Variants in NPTN observed in about 807,000 individuals in gnomAD.
NPTN encodes SDR-1.
In NPTN, 5 loss-of-function variants were observed where a neutral mutation model predicts 42.7. The ratio of observed to expected loss-of-function variants is 0.12; its 90% CI spans 0.06 to 0.25. The LOEUF (loss-of-function observed/expected upper bound fraction) is 0.25, where lower values mean the gene tolerates loss of function less well. Ranked by LOEUF, NPTN falls within the 10% of genes least tolerant of loss-of-function variation. NPTN has a pLI of 1.00. For missense variants in NPTN, 307 were observed against 525.4 expected (o/e 0.58, Z 4.06); for synonymous variants, 180 against 201.9 (o/e 0.89, Z 0.92).
chr15:73,578,350 C>T (rs1895804996), intron 4 of NPTN, among the ~76,000 whole-genome samples: 3 of 152,008 alleles, frequency 2.0e-5, no homozygotes, highest in Non-Finnish European at 4.4e-5. Flanking sequence ...TTACAGTAAC[C>T]CAGGCAAGGG....
intron 1 of NPTN, among the ~76,000 whole-genome samples, chr15:73,611,005 ACATATGGAC>A (rs1345259792): frequency 6.6e-6 from 1 of 152,216 alleles, no homozygotes; most frequent in African/African-American, 2.4e-5. Flanking sequence ...TGACTCCGTT[ACATATGGAC>A]CATATGGACA....
chr15:73,605,394 CA>C (rs796373004), intron 1 of NPTN, among the ~76,000 whole-genome samples: 6 of 151,526 alleles, frequency 4.0e-5, no homozygotes, highest in African/African-American at 1.5e-4. Flanking sequence ...AAAAATCTTA[CA>C]AAAATAGAAC....
chr15:73,624,078 G>A (rs1259688173), intron 1 of NPTN, among the ~76,000 whole-genome samples: 2 of 152,152 alleles, frequency 1.3e-5, no homozygotes, highest in Non-Finnish European at 2.9e-5. Context: ...CTGTTCCTAA[G>A]TTTAGCTCCT....
At chr15:73,577,196 C>T (rs933091462) in intron 4 of NPTN, among the ~76,000 whole-genome samples, 1 of 152,170 alleles carries the variant, frequency 6.6e-6, no homozygotes. Context: ...CCACACAAGC[C>T]TTGGAATCCT....
intron 1 of NPTN, among the ~76,000 whole-genome samples, chr15:73,626,030 C>T (rs1595975162): frequency 6.6e-6 from 1 of 152,162 alleles, no homozygotes; most frequent in Non-Finnish European, 1.5e-5. Context: ...TTGCCTTCTT[C>T]GACTATAATG....
intron 1 of NPTN, among the ~76,000 whole-genome samples, chr15:73,612,262 T>C (rs573804392): frequency 1.3e-5 from 2 of 151,546 alleles, no homozygotes; most frequent in Non-Finnish European, 2.9e-5. Context: ...CTTACAAAAA[T>C]GTGAAGAATT....
intron 4 of NPTN, among the ~76,000 whole-genome samples, chr15:73,575,359 T>C (rs1391427930): frequency 6.6e-6 from 1 of 152,188 alleles, no homozygotes; most frequent in Non-Finnish European, 1.5e-5. Flanking sequence ...TCAGATGATC[T>C]GCCCGCCTCA....
intron 4 of NPTN, among the ~76,000 whole-genome samples, chr15:73,581,466 A>G (rs985918074): frequency 2.0e-5 from 3 of 152,204 alleles, no homozygotes; most frequent in Non-Finnish European, 2.9e-5. Flanking sequence ...GAATTCATTC[A>G]TTCTCTGGCC....
chr15:73,595,243 T>C (rs1896780798), intron 2 of NPTN, among the ~76,000 whole-genome samples: 1 of 152,164 alleles, frequency 6.6e-6, no homozygotes, highest in South Asian at 2.1e-4. Flanking sequence ...AGTCCATACC[T>C]ATAAACTTCC....
rs1896888228 is a variant in NPTN, at chr15:73,597,584, A to G, written c.92-215T>C. On this transcript the variant is annotated intron_variant, in intron 1 of 8. Coordinates refer to ENST00000345330, the MANE Select transcript of NPTN (RefSeq NM_012428.4). This position sits in a 1 kb window ranked among gnomAD's most constrained non-coding sequence, Gnocchi z 6.3. ...CACACCCTGGGAAGCTTATGAAGCA[A>G]AGGCAGGCTAATTACAAGCTGGGGC... Among the ~76,000 whole-genome samples the G allele has an allele frequency of 6.6e-6, 1 of 152,240 alleles. No homozygotes were observed. Among genetic ancestry groups the G allele is most frequent in the Non-Finnish European group, 1.5e-5 (1 of 68,038 alleles).
At chr15:73,624,589 A>G (rs1042301712) in intron 1 of NPTN, among the ~76,000 whole-genome samples, 2 of 152,176 alleles carry the variant, frequency 1.3e-5, no homozygotes, top group Admixed American at 6.5e-5. Context: ...TTTTTCCTCC[A>G]GGAAGCAGTG....
intron 2 of NPTN, 72 bp downstream of exon 2, chr15:73,596,950 G>A: frequency 1.6e-6 from 2 of 1,239,984 alleles, no homozygotes; most frequent in South Asian, 2.8e-5. Flanking sequence ...AGAGGGAAAG[G>A]ATGCAGAAGG....
chr15:73,590,607 CAAA>C (rs1246356308), intron 3 of NPTN, among the ~76,000 whole-genome samples: 3 of 95,016 alleles, frequency 3.2e-5, no homozygotes, highest in Non-Finnish European at 4.7e-5. Context: ...ACAAAAAATA[CAAA>C]AAAAAAAAAA....
intron 2 of NPTN, among the ~76,000 whole-genome samples, chr15:73,594,337 G>A (rs147418319): frequency 6.6e-6 from 1 of 152,306 alleles, no homozygotes; most frequent in Non-Finnish European, 1.5e-5. Flanking sequence ...AGCTCAGGGA[G>A]ATTAAGAAGT....
chr15:73,580,085 TG>T (rs1034873135), intron 4 of NPTN, among the ~76,000 whole-genome samples: 1 of 152,090 alleles, frequency 6.6e-6, no homozygotes, highest in African/African-American at 2.4e-5. Flanking sequence ...AACTCAAGTT[TG>T]GAAAAGTAAT....
chr15:73,572,904 C>T (rs1895489049), intron 5 of NPTN, among the ~76,000 whole-genome samples: 2 of 151,990 alleles, frequency 1.3e-5, no homozygotes, highest in Non-Finnish European at 2.9e-5. Context: ...ATCATGGGGG[C>T]GGATATCCCC....
intron 3 of NPTN, among the ~76,000 whole-genome samples, chr15:73,590,433 T>C (rs1376115591): frequency 1.3e-5 from 2 of 151,890 alleles, no homozygotes; most frequent in African/African-American, 4.8e-5. Context: ...AGAAACATGA[T>C]TGGATGTCTG....
intron 3 of NPTN, among the ~76,000 whole-genome samples, chr15:73,589,315 G>A (rs1896475700): frequency 1.3e-5 from 2 of 151,936 alleles, no homozygotes; most frequent in African/African-American, 4.8e-5. Flanking sequence ...CTGGGTGACA[G>A]AGTAAGACCC....
intron 4 of NPTN, among the ~76,000 whole-genome samples, chr15:73,576,619 G>A (rs1895715649): frequency 6.6e-6 from 1 of 152,142 alleles, no homozygotes; most frequent in Non-Finnish European, 1.5e-5. Flanking sequence ...GTGAGCCACT[G>A]CGCCTGGCTA....
Sources: allele counts gnomAD v4.1 joint callset (sites outside exome capture counted in the v4.1 genomes callset), GRCh38; gene constraint gnomAD v4.1.1; non-coding constraint Gnocchi (gnomAD v3.1); transcripts MANE v1.5; gene names NCBI Gene and HGNC (gene_info 2026-07-23, HGNC 2026-07-21).